The following INPP5A variants were observed in gnomAD, a reference collection of about 807,000 sequenced individuals.
The protein encoded by INPP5A is 43 kDa inositol polyphosphate 5-phophatase.
A neutral mutation model predicts 65.2 loss-of-function variants in INPP5A; 14 were observed. That is an observed-to-expected ratio of 0.21 (90% confidence interval 0.14 to 0.34). INPP5A has a LOEUF of 0.34. Among genes scored for constraint, INPP5A ranks in the 10% least tolerant of loss-of-function variants. INPP5A has a pLI of 1.00. For synonymous variants in INPP5A, 207 were observed against 208.3 expected (o/e 0.99, Z 0.05); for missense variants, 431 against 545.6 (o/e 0.79, Z 2.09).
Position 132,749,265 on chromosome 10 carries a change from C to G in INPP5A, c.733-252C>G, listed in dbSNP as rs142701989. Reference sequence around the variant, plus strand: ...TTTTGCCCCAAAGCAGCTCTGTGGGCGGCAGCAGCTCCGGGGTGTCCTCAC... The same window carrying G: ...TTTTGCCCCAAAGCAGCTCTGTGGGGGGCAGCAGCTCCGGGGTGTCCTCAC... On this transcript the variant is annotated intron_variant, in intron 9 of 15. Transcript: ENST00000368594. 5.7e-3 allele frequency among the ~76,000 whole-genome samples: 866 copies of G among 151,648 alleles called. 12 individuals are homozygous for G. Among genetic ancestry groups the G allele is most frequent in the Middle Eastern group, 6.8e-3 (2 of 292 alleles).
chr10:132,558,804 G>A (rs181195283), intron 1 of INPP5A, among the ~76,000 whole-genome samples: 560 of 152,362 alleles, frequency 3.7e-3, no homozygotes, highest in Middle Eastern at 6.8e-3. Context: ...ATTCCATGTG[G>A]CTTTTGAAGC....
intron 11 of INPP5A, among the ~76,000 whole-genome samples, chr10:132,765,030 A>T (rs57649240): frequency 1.6e-4 from 20 of 122,124 alleles, no homozygotes; most frequent in African/African-American, 7.0e-4. Context: ...CCAGTCCTGC[A>T]GGGGTGGGAG....
At chr10:132,683,651 A>G (rs896017281) in intron 4 of INPP5A, among the ~76,000 whole-genome samples, 12 of 152,250 alleles carry the variant, frequency 7.9e-5, no homozygotes, top group Non-Finnish European at 1.6e-4. Flanking sequence ...CATCAATTAC[A>G]ATACTCAAAT....
chr10:132,684,679 A>G (rs1189964636), intron 4 of INPP5A, among the ~76,000 whole-genome samples: 1 of 152,222 alleles, frequency 6.6e-6, no homozygotes, highest in Non-Finnish European at 1.5e-5. Flanking sequence ...TCAGAACCAC[A>G]TGCCTGCCTC....
At chr10:132,686,822 G>A (rs1845139114) in intron 4 of INPP5A, among the ~76,000 whole-genome samples, 1 of 152,266 alleles carries the variant, frequency 6.6e-6, no homozygotes, top group African/African-American at 2.4e-5. Context: ...ATAAAGAAGG[G>A]CTGATGTTGG....
chr10:132,654,659 G>GT (rs1191812052), intron 4 of INPP5A, among the ~76,000 whole-genome samples: 35 of 152,388 alleles, frequency 2.3e-4, no homozygotes, highest in Non-Finnish European at 1.5e-5. Context: ...AAGATTGATG[G>GT]TATTGGAGCA....
At chr10:132,542,304 G>A (rs1487972177) in intron 1 of INPP5A, among the ~76,000 whole-genome samples, 1 of 152,260 alleles carries the variant, frequency 6.6e-6, no homozygotes, top group Admixed American at 6.5e-5. Flanking sequence ...GGCTCGGCAA[G>A]TGCTCGCTGG....
intron 12 of INPP5A, among the ~76,000 whole-genome samples, chr10:132,776,616 G>A (rs982641480): frequency 3.9e-5 from 6 of 152,208 alleles, no homozygotes; most frequent in Admixed American, 2.0e-4. Flanking sequence ...AAGCAGAGAC[G>A]CTGCACTTAG....
chr10:132,576,947 T>A (rs955975577), intron 1 of INPP5A, among the ~76,000 whole-genome samples: 1 of 152,194 alleles, frequency 6.6e-6, no homozygotes, highest in Non-Finnish European at 1.5e-5. Context: ...ACCCGCTGAA[T>A]TGCTGTGAGC....
chr10:132,599,047 C>G (rs906912939), intron 1 of INPP5A, among the ~76,000 whole-genome samples: 15 of 152,170 alleles, frequency 9.9e-5, no homozygotes, highest in African/African-American at 3.4e-4. Context: ...TGGGTGGGGA[C>G]ACAGCCAAAC....
chr10:132,712,723 TATGCATGTGTAG>T (rs1845666579), intron 8 of INPP5A, among the ~76,000 whole-genome samples: 1 of 151,122 alleles, frequency 6.6e-6, no homozygotes, highest in Non-Finnish European at 1.5e-5. Flanking sequence ...AGTGCAGGTG[TATGCATGTGTAG>T]GTGTGTGTGT....
At chr10:132,592,572 C>T (rs755232304) in intron 1 of INPP5A, among the ~76,000 whole-genome samples, 12 of 152,178 alleles carry the variant, frequency 7.9e-5, no homozygotes, top group Non-Finnish European at 1.5e-4. Context: ...GGCGCCACCA[C>T]ACCCAGCTAT....
chr10:132,567,063 G>A (rs1411656017), intron 1 of INPP5A, among the ~76,000 whole-genome samples: 2 of 152,186 alleles, frequency 1.3e-5, no homozygotes, highest in East Asian at 1.9e-4. Context: ...CCTCATGGAC[G>A]GTGGTGTCAT....
At position 132,707,750 on chromosome 10, in the gene INPP5A, G is replaced by T. The variant is rs762100730; in HGVS notation, c.475-563G>T. Among the ~76,000 whole-genome samples the T allele has an allele frequency of 1.3e-5, 2 of 152,208 alleles. No homozygotes were observed. Among genetic ancestry groups the T allele is most frequent in the Non-Finnish European group, 2.9e-5 (2 of 68,032 alleles). On this transcript the variant is annotated intron_variant, in intron 6 of 15. Transcript: ENST00000368594. This position sits in a 1 kb window ranked among gnomAD's most constrained non-coding sequence, Gnocchi z 5.5. ...AGACCAGAGCTCAGGCTCTACGTTCGGTGGCTCTGCTAGGTGGTGGGGATC... is the reference window on the plus strand; with the variant it reads ...AGACCAGAGCTCAGGCTCTACGTTCTGTGGCTCTGCTAGGTGGTGGGGATC...
intron 1 of INPP5A, among the ~76,000 whole-genome samples, chr10:132,585,421 T>C: frequency 6.6e-6 from 1 of 152,222 alleles, no homozygotes; most frequent in East Asian, 1.9e-4. Flanking sequence ...TCCTAGTTGT[T>C]CTATTTTATT....
intron 2 of INPP5A, among the ~76,000 whole-genome samples, chr10:132,628,738 A>G (rs1393816398): frequency 6.6e-6 from 1 of 152,256 alleles, no homozygotes; most frequent in African/African-American, 2.4e-5. Context: ...GAAAGAGAAC[A>G]TGTAAAATTC....
intron 1 of INPP5A, among the ~76,000 whole-genome samples, chr10:132,594,333 C>T (rs748750048): frequency 5.3e-5 from 8 of 152,222 alleles, no homozygotes; most frequent in East Asian, 1.9e-4. Flanking sequence ...AAAGGACAGA[C>T]GTGGCTAGTG....
intron 1 of INPP5A, among the ~76,000 whole-genome samples, chr10:132,596,803 G>A (rs188616010): frequency 1.0e-3 from 152 of 152,042 alleles, no homozygotes; most frequent in African/African-American, 2.7e-3. Context: ...GTACATGTGC[G>A]CGTTTGTGTG....
chr10:132,594,912 C>A (rs2814453), intron 1 of INPP5A, among the ~76,000 whole-genome samples: 1 of 152,162 alleles, frequency 6.6e-6, no homozygotes, highest in Non-Finnish European at 1.5e-5. Flanking sequence ...AGTTATTTAA[C>A]ATTCTGGCCA....
Sources: allele counts gnomAD v4.1 joint callset (sites outside exome capture counted in the v4.1 genomes callset), GRCh38; gene constraint gnomAD v4.1.1; non-coding constraint Gnocchi (gnomAD v3.1); transcripts MANE v1.5; gene names NCBI Gene and HGNC (gene_info 2026-07-23, HGNC 2026-07-21).